ZBTB20: variants seen among roughly 807,000 people sequenced by gnomAD.
The protein encoded by ZBTB20 is zinc finger and BTB domain containing 20.
Under a neutral mutation model 56.9 loss-of-function variants are expected in ZBTB20, and 9 were observed. The observed-to-expected ratio is 0.16, with a 90% confidence interval of 0.10 to 0.28. The LOEUF is 0.28. ZBTB20 is among the 10% of genes least tolerant of loss of function. The pLI, the probability that ZBTB20 is intolerant of heterozygous loss-of-function variation, is 1.00. For missense variants in ZBTB20, 655 were observed against 1,003.0 expected (o/e 0.65, Z 4.69); for synonymous variants, 417 against 420.7 (o/e 0.99, Z 0.11).
intron 5 of ZBTB20, among the ~76,000 whole-genome samples, chr3:114,799,852 A>C (rs1047141645): frequency 2.6e-5 from 4 of 151,956 alleles, no homozygotes; most frequent in African/African-American, 7.2e-5. Flanking sequence ...CGCTTAACAA[A>C]AATGAACTTA....
intron 7 of ZBTB20, among the ~76,000 whole-genome samples, chr3:114,395,279 T>C (rs944732113): frequency 6.6e-6 from 1 of 151,842 alleles, no homozygotes; most frequent in Admixed American, 6.6e-5. Flanking sequence ...GGGAATACAA[T>C]GTTAGAAAAA....
At chr3:114,855,205 G>C (rs1367368125) in intron 4 of ZBTB20, among the ~76,000 whole-genome samples, 1 of 152,140 alleles carries the variant, frequency 6.6e-6, no homozygotes, top group Admixed American at 6.5e-5. Flanking sequence ...CTATTATATA[G>C]CATTTGTATA....
At chr3:114,810,296 C>A (rs926732170) in intron 4 of ZBTB20, among the ~76,000 whole-genome samples, 1 of 152,156 alleles carries the variant, frequency 6.6e-6, no homozygotes, top group Admixed American at 6.5e-5. Flanking sequence ...ATTCTCCCTG[C>A]TAAATTTCTG....
intron 2 of ZBTB20, among the ~76,000 whole-genome samples, chr3:115,005,592 ATAAT>A (rs1336881497): frequency 6.6e-6 from 1 of 151,830 alleles, no homozygotes; most frequent in Non-Finnish European, 1.5e-5. Context: ...TTGCATTAAT[ATAAT>A]TAATCCCAGT....
At chr3:114,635,982 T>A (rs571658456) in intron 6 of ZBTB20, among the ~76,000 whole-genome samples, 1 of 152,190 alleles carries the variant, frequency 6.6e-6, no homozygotes, top group South Asian at 2.1e-4. Context: ...CAAGACCCAT[T>A]ATAATCCAAT....
intron 3 of ZBTB20, among the ~76,000 whole-genome samples, chr3:114,927,854 GA>G (rs1464961648): frequency 6.6e-6 from 1 of 152,072 alleles, no homozygotes; most frequent in South Asian, 2.1e-4. Flanking sequence ...AAACAGCAAG[GA>G]AAAAACTCTT....
intron 10 of ZBTB20, chr3:114,378,987 T>C (rs1412041503): frequency 6.6e-6 from 1 of 152,194 alleles, no homozygotes; most frequent in Non-Finnish European, 1.5e-5. Context: ...TAGAATATGG[T>C]CTTAGCCCAA....
chr3:114,965,833 T>C (rs1227709661), intron 3 of ZBTB20, among the ~76,000 whole-genome samples: 2 of 152,176 alleles, frequency 1.3e-5, no homozygotes, highest in Non-Finnish European at 2.9e-5. Context: ...TCAGGTCCTT[T>C]GCCTATTTTT....
chr3:114,780,775 C>T (rs2108772902), intron 5 of ZBTB20, among the ~76,000 whole-genome samples: 1 of 152,296 alleles, frequency 6.6e-6, no homozygotes, highest in East Asian at 1.9e-4. Flanking sequence ...CGTGAGCCAC[C>T]ACGCCTGGCC....
intron 2 of ZBTB20, among the ~76,000 whole-genome samples, chr3:115,008,224 C>T (rs1424836420): frequency 6.6e-6 from 1 of 151,822 alleles, no homozygotes; most frequent in Non-Finnish European, 1.5e-5. Context: ...TATCAAACTG[C>T]AGTTTTTAAA....
At position 114,485,341 on chromosome 3, in the gene ZBTB20, G is replaced by A. The variant is rs1452906986; in HGVS notation, c.-255+15011C>T. The stretch of plus-strand genomic sequence containing the variant: ...CTTATAAAGCCTAACTCATTTTAGG[G>A]TGGCTAGTGCAGTTAAGGTGCAGAC... On this transcript the variant is annotated intron_variant, in intron 7 of 11. Coordinates refer to ENST00000675478, the MANE Select transcript of ZBTB20 (RefSeq NM_001348800.3). 2.0e-5 allele frequency among the ~76,000 whole-genome samples: 3 copies of A among 152,098 alleles called. No individual in the cohort carries two copies. In the South Asian group the frequency reaches 6.2e-4, roughly 32 times the overall value.
chr3:114,743,121 T>C (rs1292338743), intron 5 of ZBTB20, among the ~76,000 whole-genome samples: 1 of 152,168 alleles, frequency 6.6e-6, no homozygotes, highest in Non-Finnish European at 1.5e-5. Context: ...GAGAAACCTG[T>C]TCATATCTAT....
At chr3:114,857,233 G>C (rs1198917388) in intron 4 of ZBTB20, among the ~76,000 whole-genome samples, 3 of 152,070 alleles carry the variant, frequency 2.0e-5, no homozygotes, top group South Asian at 2.1e-4. Context: ...ATATTGCTTT[G>C]AGATCACGTC....
intron 2 of ZBTB20, among the ~76,000 whole-genome samples, chr3:115,057,531 A>AC (rs2081851298): frequency 6.6e-6 from 1 of 152,154 alleles, no homozygotes; most frequent in Non-Finnish European, 1.5e-5. Context: ...TATATAACCC[A>AC]CAATACATTG....
At chr3:114,647,217 C>A (rs1384399924) in intron 6 of ZBTB20, among the ~76,000 whole-genome samples, 1 of 152,184 alleles carries the variant, frequency 6.6e-6, no homozygotes, top group East Asian at 1.9e-4. Flanking sequence ...CTTGGCCTCC[C>A]AAAATGCTGG....
At position 114,466,598 on chromosome 3, in the gene ZBTB20, C is replaced by T. The variant is rs558476762; in HGVS notation, c.-255+33754G>A. Among the ~76,000 whole-genome samples the T allele has an allele frequency of 4.6e-5, 7 of 152,282 alleles. No individual in the cohort carries two copies. In the South Asian group the frequency reaches 8.3e-4, roughly 18 times the overall value. On this transcript the variant is annotated intron_variant, in intron 7 of 11. Coordinates refer to ENST00000675478, the MANE Select transcript of ZBTB20 (RefSeq NM_001348800.3). ...AATTCCTCACATTTGTACAAGAGAA[C>T]GTCCCAAAGCAAGATACTATGGCCT...
intron 2 of ZBTB20, among the ~76,000 whole-genome samples, chr3:115,035,765 A>T (rs1322229973): frequency 6.6e-6 from 1 of 152,194 alleles, no homozygotes; most frequent in Non-Finnish European, 1.5e-5. Flanking sequence ...ATATGTTCAT[A>T]GCAGCCATAT....
chr3:114,498,351 G>A (rs2043531764), intron 7 of ZBTB20, among the ~76,000 whole-genome samples: 1 of 152,182 alleles, frequency 6.6e-6, no homozygotes, highest in Non-Finnish European at 1.5e-5. Flanking sequence ...AGAGAAGATC[G>A]AACAAGCAGA....
At chr3:114,924,252 C>A (rs2076068583) in intron 3 of ZBTB20, among the ~76,000 whole-genome samples, 1 of 151,964 alleles carries the variant, frequency 6.6e-6, no homozygotes, top group Non-Finnish European at 1.5e-5. Context: ...ATATCTGTAC[C>A]CTCATAATTA....
Sources: gnomAD v4.1 joint callset for allele counts (sites outside exome capture counted in the v4.1 genomes callset) on GRCh38, gnomAD v4.1.1 for gene constraint, MANE v1.5 for transcripts, NCBI Gene and HGNC (gene_info 2026-07-23, HGNC 2026-07-21) for gene names.